LHFPL6: variants seen among roughly 807,000 people sequenced by gnomAD.
The protein encoded by LHFPL6 is LHFPL tetraspan subfamily member 6 protein.
A neutral mutation model predicts 20.6 loss-of-function variants in LHFPL6; 9 were observed. That is an observed-to-expected ratio of 0.44 (90% CI 0.26 to 0.76). The LOEUF (loss-of-function observed/expected upper bound fraction) is 0.76. Among genes scored for constraint, LHFPL6 ranks in the 30% least tolerant of loss-of-function variants. The probability of loss-of-function intolerance (pLI) is 0.20; values close to 1 mark genes in which losing one functional copy is unlikely to be tolerated. For synonymous variants in LHFPL6, 105 were observed against 98.7 expected (o/e 1.06, Z -0.38); for missense variants, 218 against 253.5 (o/e 0.86, Z 0.95).
intron 2 of LHFPL6, among the ~76,000 whole-genome samples, chr13:39,417,457 C>A (rs1287924951): frequency 6.6e-6 from 1 of 152,020 alleles, no homozygotes; most frequent in African/African-American, 2.4e-5. Context: ...GAAAATACAT[C>A]TTTCTATTTC....
intron 2 of LHFPL6, among the ~76,000 whole-genome samples, chr13:39,380,184 T>G (rs915675752): frequency 6.6e-6 from 1 of 152,254 alleles, no homozygotes; most frequent in Non-Finnish European, 1.5e-5. Flanking sequence ...TGAGGTATCA[T>G]GTCTGCGATA....
chr13:39,579,915 GTA>G lies in LHFPL6; in HGVS notation c.385+20915_385+20916del, dbSNP rs564911562. ...ATAAACTCCTCAGGGTCACAGCCCTGTAGTACATTTACTTCTTTGTTCCCATA... is the reference window on the plus strand; with the variant it reads ...ATAAACTCCTCAGGGTCACAGCCCTGGTACATTTACTTCTTTGTTCCCATA... On this transcript the variant is annotated intron_variant, in intron 2 of 3. Coordinates refer to ENST00000379589, the MANE Select transcript of LHFPL6 (RefSeq NM_005780.3). 1.9e-3 allele frequency among the ~76,000 whole-genome samples: 285 copies of G among 152,280 alleles called. 1 individual carries two copies. The highest frequency in any genetic ancestry group is 6.7e-3 in the African/African-American group (278 of 41,558).
intron 2 of LHFPL6, among the ~76,000 whole-genome samples, chr13:39,468,832 G>A (rs1872868747): frequency 6.6e-6 from 1 of 151,782 alleles, no homozygotes; most frequent in African/African-American, 2.4e-5. Context: ...TTAAGGTTAT[G>A]GTCAGCATCC....
intron 3 of LHFPL6, among the ~76,000 whole-genome samples, chr13:39,369,605 C>CCCTCCCTCCTTCCTTCCTTCCTTCCT (rs1870112127): frequency 5.1e-5 from 2 of 39,526 alleles, no homozygotes; most frequent in Admixed American, 2.6e-4. Context: ...CTTCCTCCCT[C>CCCTCCCTCCTTCCTTCCTTCCTTCCT]TCTCCCTCCC....
chr13:39,597,152 G>A (rs1016792216), intron 2 of LHFPL6, among the ~76,000 whole-genome samples: 5 of 152,162 alleles, frequency 3.3e-5, no homozygotes, highest in Non-Finnish European at 7.3e-5. Flanking sequence ...CATTCCACAC[G>A]CATTTCATAT....
chr13:39,350,820 T>C (rs972919905), intron 3 of LHFPL6, among the ~76,000 whole-genome samples: 1 of 152,188 alleles, frequency 6.6e-6, no homozygotes, highest in East Asian at 1.9e-4. Flanking sequence ...AGAAAAAGAC[T>C]GTGGCGGAAT....
At chr13:39,563,091 AACACACACACACACACACACACACAC>A (rs60324329) in intron 2 of LHFPL6, among the ~76,000 whole-genome samples, 13,223 of 135,864 alleles carry the variant, frequency 0.097, 742 homozygotes, top group South Asian at 0.22. Flanking sequence ...CAATACTAGA[AACACACACACACACACACACACACAC>A]ACACACACAC....
chr13:39,439,365 A>G (rs2138412202), intron 2 of LHFPL6, among the ~76,000 whole-genome samples: 1 of 152,262 alleles, frequency 6.6e-6, no homozygotes, highest in South Asian at 2.1e-4. Flanking sequence ...CTAGGGAGTA[A>G]CTAACTTGTT....
At chr13:39,559,889 CATTT>C (rs1016299250) in intron 2 of LHFPL6, among the ~76,000 whole-genome samples, 1 of 152,132 alleles carries the variant, frequency 6.6e-6, no homozygotes, top group Non-Finnish European at 1.5e-5. Context: ...AAAGAGAAAA[CATTT>C]ATTTGTCTTT....
intron 2 of LHFPL6, among the ~76,000 whole-genome samples, chr13:39,575,253 C>T (rs1049894292): frequency 1.3e-5 from 2 of 152,066 alleles, no homozygotes; most frequent in Non-Finnish European, 2.9e-5. Flanking sequence ...TGAAAGATGA[C>T]GTGTTATATT....
At chr13:39,349,031 C>T (rs1409866548) in intron 3 of LHFPL6, among the ~76,000 whole-genome samples, 1 of 151,990 alleles carries the variant, frequency 6.6e-6, no homozygotes, top group Non-Finnish European at 1.5e-5. Flanking sequence ...ATATGGCCAC[C>T]AATCAGACAT....
chr13:39,449,083 G>T (rs1424411796), intron 2 of LHFPL6, among the ~76,000 whole-genome samples: 1 of 152,178 alleles, frequency 6.6e-6, no homozygotes. Context: ...GGTGCTACTG[G>T]CCTCACAAGC....
intron 2 of LHFPL6, among the ~76,000 whole-genome samples, chr13:39,414,663 T>C (rs991834379): frequency 3.3e-5 from 5 of 152,216 alleles, no homozygotes; most frequent in Admixed American, 2.0e-4. Context: ...CTTATTTTTT[T>C]TGCCATTTGT....
chr13:39,507,889 C>CCCTTCTTTCCTT (rs1555265405), intron 2 of LHFPL6, among the ~76,000 whole-genome samples: 2 of 143,502 alleles, frequency 1.4e-5, no homozygotes, highest in African/African-American at 2.6e-5. Context: ...TGCCTCCCCT[C>CCCTTCTTTCCTT]CCTTCCTTCC....
intron 2 of LHFPL6, among the ~76,000 whole-genome samples, chr13:39,457,673 G>C (rs749195542): frequency 6.6e-6 from 1 of 152,200 alleles, no homozygotes; most frequent in African/African-American, 2.4e-5. Context: ...ATGTGGTAAA[G>C]GGAGAAGGTG....
At chr13:39,579,458 T>C (rs1437671946) in intron 2 of LHFPL6, among the ~76,000 whole-genome samples, 1 of 152,234 alleles carries the variant, frequency 6.6e-6, no homozygotes, top group East Asian at 1.9e-4. Flanking sequence ...AACTCTCTTA[T>C]AGTAAATTCA....
chr13:39,519,788 C>T (rs1191320401), intron 2 of LHFPL6, among the ~76,000 whole-genome samples: 2 of 152,124 alleles, frequency 1.3e-5, no homozygotes, highest in Non-Finnish European at 2.9e-5. Flanking sequence ...AATTCCCAGA[C>T]TTCTAGAAGA....
chr13:39,345,368 C>T (rs1005084483), intron 3 of LHFPL6, among the ~76,000 whole-genome samples: 1 of 151,704 alleles, frequency 6.6e-6, no homozygotes, highest in African/African-American at 2.4e-5. Context: ...CAAAAATTAG[C>T]CAAGCATGGT....
intron 3 of LHFPL6, among the ~76,000 whole-genome samples, chr13:39,353,379 T>C (rs1869643482): frequency 6.6e-6 from 1 of 151,978 alleles, no homozygotes; most frequent in Non-Finnish European, 1.5e-5. Context: ...GGGCAGAAAA[T>C]GTAGAAGTAA....
Sources: gnomAD v4.1 joint callset for allele counts (sites outside exome capture counted in the v4.1 genomes callset) on GRCh38, gnomAD v4.1.1 for gene constraint, MANE v1.5 for transcripts, NCBI Gene and HGNC (gene_info 2026-07-23, HGNC 2026-07-21) for gene names.